The following NBAS variants were observed in gnomAD, a reference collection of about 807,000 sequenced individuals.
NBAS encodes the protein NBAS subunit of NRZ tethering complex, also known as NAG/BC035112 fusion.
In NBAS, 219 loss-of-function variants were observed where a neutral mutation model predicts 302.5. That is an observed-to-expected ratio of 0.72 (90% CI 0.65 to 0.81). The LOEUF (loss-of-function observed/expected upper bound fraction) is 0.81. Among genes scored for constraint, NBAS ranks in the 30% least tolerant of loss-of-function variants. The probability of loss-of-function intolerance (pLI) is 0.00; values close to 1 mark genes in which losing one functional copy is unlikely to be tolerated. For synonymous variants in NBAS, 1,118 were observed against 1,021.6 expected, an observed-to-expected ratio of 1.09 and a Z score of -1.80; for missense variants, 2,932 against 2,841.6, an observed-to-expected ratio of 1.03 and a Z score of -0.72.
chr2:15,191,923 C>G (rs1418235633), intron 48 of NBAS, among the ~76,000 whole-genome samples: 1 of 152,198 alleles, frequency 6.6e-6, no homozygotes, highest in East Asian at 1.9e-4. Flanking sequence ...AAATCATGCA[C>G]ACTCCCATCT....
chr2:15,474,621 C>T (rs763456423), intron 14 of NBAS, among the ~76,000 whole-genome samples: 5 of 151,882 alleles, frequency 3.3e-5, no homozygotes, highest in African/African-American at 1.2e-4. Context: ...AATGCAGTGG[C>T]GTGATCTCAG....
the NBAS span, among the ~76,000 whole-genome samples, chr2:14,790,566 C>T: frequency 6.6e-6 from 1 of 151,744 alleles, no homozygotes; most frequent in African/African-American, 2.4e-5. Context: ...GAAACAAAAA[C>T]ATCTCAACAG....
chr2:15,291,043 T>C (rs757222324), intron 41 of NBAS, among the ~76,000 whole-genome samples: 9 of 152,242 alleles, frequency 5.9e-5, no homozygotes, highest in African/African-American at 1.2e-4. Flanking sequence ...TTATCTTTGC[T>C]ATTTTAAAGT....
chr2:15,288,114 A>G (rs1278875151), intron 41 of NBAS, among the ~76,000 whole-genome samples: 3 of 152,238 alleles, frequency 2.0e-5, no homozygotes. Context: ...TCCAGAGCCT[A>G]CAATCAAAAG....
intron 38 of NBAS, among the ~76,000 whole-genome samples, chr2:15,326,041 C>G (rs537150297): frequency 6.6e-6 from 1 of 152,326 alleles, no homozygotes; most frequent in South Asian, 2.1e-4. Flanking sequence ...AAAACACACA[C>G]AACATTTATC....
intron 49 of NBAS, among the ~76,000 whole-genome samples, chr2:15,189,836 C>T (rs1665263223): frequency 6.6e-6 from 1 of 152,178 alleles, no homozygotes; most frequent in African/African-American, 2.4e-5. Flanking sequence ...ATCACCTTCC[C>T]TTGTAGGTGT....
At chr2:15,056,101 T>TAAAA in the NBAS span, among the ~76,000 whole-genome samples, 22 of 147,504 alleles carry the variant, frequency 1.5e-4, no homozygotes, top group Admixed American at 7.4e-4. Context: ...CTCCTGGAAG[T>TAAAA]AAAAAAAAAA....
At chr2:15,011,766 A>C in the NBAS span, among the ~76,000 whole-genome samples, 6 of 152,130 alleles carry the variant, frequency 3.9e-5, no homozygotes, top group Non-Finnish European at 4.4e-5. Context: ...TACCACAAAC[A>C]ATCTCAGCCT....
At chr2:15,173,090 G>A (rs1345836377) in intron 51 of NBAS, among the ~76,000 whole-genome samples, 2 of 152,152 alleles carry the variant, frequency 1.3e-5, no homozygotes, top group Non-Finnish European at 2.9e-5. Flanking sequence ...AAAGGGAAGG[G>A]CTTATATATA....
At chr2:15,129,322 C>A in the NBAS span, among the ~76,000 whole-genome samples, 1 of 152,212 alleles carries the variant, frequency 6.6e-6, no homozygotes, top group Non-Finnish European at 1.5e-5. Flanking sequence ...GCTGAAGTAG[C>A]TCAGAGGAAA....
the NBAS span, among the ~76,000 whole-genome samples, chr2:14,827,984 A>T: frequency 6.6e-6 from 1 of 152,226 alleles, no homozygotes; most frequent in Non-Finnish European, 1.5e-5. Context: ...TTTAAAAAAT[A>T]AACTTTGGCT....
chr2:14,917,354 C>T, the NBAS span, among the ~76,000 whole-genome samples: 1 of 152,170 alleles, frequency 6.6e-6, no homozygotes, highest in Non-Finnish European at 1.5e-5. Flanking sequence ...GGCCAGAGTC[C>T]ATCCTCATTT....
At chr2:14,909,411 G>A in the NBAS span, among the ~76,000 whole-genome samples, 169 of 133,128 alleles carry the variant, frequency 1.3e-3, no homozygotes, top group African/African-American at 5.0e-3. Flanking sequence ...TACCTACACT[G>A]GAACAAAACC....
At chr2:15,024,176 A>C in the NBAS span, among the ~76,000 whole-genome samples, 1 of 151,346 alleles carries the variant, frequency 6.6e-6, no homozygotes, top group Non-Finnish European at 1.5e-5. Flanking sequence ...CTTTCTATCC[A>C]TGTGTCCTCA....
the NBAS span, among the ~76,000 whole-genome samples, chr2:15,024,678 G>A: frequency 1.2e-4 from 19 of 152,082 alleles, no homozygotes; most frequent in Non-Finnish European, 2.6e-4. Context: ...GGTGTGAGAT[G>A]GTATCTCATT....
the NBAS span, among the ~76,000 whole-genome samples, chr2:15,036,476 A>G: frequency 1.6e-4 from 24 of 152,322 alleles, no homozygotes; most frequent in East Asian, 1.2e-3. Flanking sequence ...CATCGGTAAT[A>G]TGACAATGTA....
At chr2:15,033,478 T>G in the NBAS span, among the ~76,000 whole-genome samples, 2 of 152,152 alleles carry the variant, frequency 1.3e-5, no homozygotes, top group African/African-American at 4.8e-5. Context: ...GATGGAATAA[T>G]TATATTTTGG....
At chr2:14,932,460 C>T in the NBAS span, among the ~76,000 whole-genome samples, 3 of 152,234 alleles carry the variant, frequency 2.0e-5, no homozygotes, top group Non-Finnish European at 4.4e-5. Context: ...CTGAGGCACA[C>T]AGCCAGCTGA....
chr2:14,887,786 C>A, the NBAS span, among the ~76,000 whole-genome samples: 1 of 152,190 alleles, frequency 6.6e-6, no homozygotes, highest in African/African-American at 2.4e-5. Context: ...CAATAAATAT[C>A]AAAAACCAAA....
Sources: gnomAD v4.1 joint callset for allele counts (sites outside exome capture counted in the v4.1 genomes callset) on GRCh38, gnomAD v4.1.1 for gene constraint, MANE v1.5 for transcripts, NCBI Gene and HGNC (gene_info 2026-07-23, HGNC 2026-07-21) for gene names.